Variants in LRP1B observed in about 807,000 individuals in gnomAD.
LRP1B encodes the protein LDL receptor related protein 1B.
In LRP1B, 217 loss-of-function variants were observed where a neutral mutation model predicts 556.6. The ratio of observed to expected loss-of-function variants is 0.39; its 90% CI spans 0.35 to 0.44. LRP1B has a LOEUF of 0.44. Among genes scored for constraint, LRP1B ranks in the 20% least tolerant of loss-of-function variants. The probability of loss-of-function intolerance (pLI) is 1.00; values close to 1 mark genes in which losing one functional copy is unlikely to be tolerated. For missense variants in LRP1B, 5,053 were observed against 5,620.8 expected, an observed-to-expected ratio of 0.90 and a Z score of 3.23; for synonymous variants, 2,047 against 1,865.8, an observed-to-expected ratio of 1.10 and a Z score of -2.50.
chr2:141,807,123 T>C lies in LRP1B; in HGVS notation c.205+3156A>G, dbSNP rs546811728. Among the ~76,000 whole-genome samples, 143 of 152,216 alleles carry C rather than the reference T, an allele frequency of 9.4e-4. 1 individual carries two copies. Among genetic ancestry groups the C allele is most frequent in the African/African-American group, 3.4e-3 (141 of 41,568 alleles). On this transcript the variant is annotated intron_variant, in intron 2 of 90. Transcript: ENST00000389484. ...GAATGTATACATTCATATAAAATTA[T>C]GCAATTATTTTATGTAGATTAGTGA...
intron 33 of LRP1B, among the ~76,000 whole-genome samples, chr2:140,772,416 TCTC>T (rs1168838791): frequency 6.6e-6 from 1 of 152,108 alleles, no homozygotes; most frequent in Non-Finnish European, 1.5e-5. Context: ...TTCAAGCAAT[TCTC>T]CTGCCTCAGC....
rs535387751 is a variant in LRP1B at position 141,865,912 on chromosome 2, T to C, written c.83-55511A>G. 2.0e-5 allele frequency among the ~76,000 whole-genome samples: 3 copies of C among 152,304 alleles called. No individual in the cohort carries two copies. In the South Asian group the frequency reaches 6.2e-4, roughly 32 times the overall value. On this transcript the variant is annotated intron_variant, in intron 1 of 90. Coordinates refer to ENST00000389484, the MANE Select transcript of LRP1B (RefSeq NM_018557.3). Reference sequence around the variant, plus strand: ...CTCTAGGTTGTCTCCCAACAAAACATGTTGTGTTCTTAAACGGACTTAACC... The same window carrying C: ...CTCTAGGTTGTCTCCCAACAAAACACGTTGTGTTCTTAAACGGACTTAACC...
chr2:140,783,630 G>T (rs1487449832), intron 32 of LRP1B, among the ~76,000 whole-genome samples: 1 of 152,192 alleles, frequency 6.6e-6, no homozygotes, highest in Admixed American at 6.5e-5. Flanking sequence ...GAGGAGGTCA[G>T]ATGCAAGTTA....
chr2:140,553,951 G>C (rs779509718), intron 43 of LRP1B, among the ~76,000 whole-genome samples: 5 of 152,110 alleles, frequency 3.3e-5, no homozygotes, highest in East Asian at 3.9e-4. Flanking sequence ...ACCAGAAGCC[G>C]ACGGGAAAGA....
rs368328772 is a variant in LRP1B, at chr2:141,015,920, G to T, written c.1971-5C>A. The T allele has an allele frequency of 4.3e-5, 69 of 1,609,298 alleles. No individual in the cohort carries two copies. Among genetic ancestry groups the T allele is most frequent in the Non-Finnish European group, 5.5e-5 (65 of 1,176,472 alleles). Reference sequence around the variant, plus strand: ...CAGTCTGTCCAATACATCCAACTAAGACATTAAAAAAACAACAAAAATGCA... The same window carrying T: ...CAGTCTGTCCAATACATCCAACTAATACATTAAAAAAACAACAAAAATGCA... On this transcript the variant is annotated splice_region_variant and splice_polypyrimidine_tract_variant and intron_variant, in intron 12 of 90. Coordinates refer to ENST00000389484, the MANE Select transcript of LRP1B (RefSeq NM_018557.3).
chr2:140,972,086 C>G (rs1172429024), intron 18 of LRP1B, among the ~76,000 whole-genome samples: 1 of 152,152 alleles, frequency 6.6e-6, no homozygotes. Flanking sequence ...AGGCTTTAAC[C>G]TCCCACTTTT....
At chr2:141,580,036 G>A (rs1326617110) in intron 2 of LRP1B, among the ~76,000 whole-genome samples, 1 of 151,884 alleles carries the variant, frequency 6.6e-6, no homozygotes, top group Non-Finnish European at 1.5e-5. Context: ...TTTTGATTTC[G>A]GGAATAAGAA....
intron 1 of LRP1B, among the ~76,000 whole-genome samples, chr2:142,104,471 C>T (rs1184467235): frequency 6.6e-6 from 1 of 152,100 alleles, no homozygotes; most frequent in East Asian, 1.9e-4. Flanking sequence ...AAAGATTGGC[C>T]TGAAACCAAT....
intron 84 of LRP1B, among the ~76,000 whole-genome samples, chr2:140,281,696 C>T (rs910050282): frequency 7.2e-5 from 11 of 151,806 alleles, no homozygotes; most frequent in African/African-American, 2.2e-4. Context: ...CACAAACCAA[C>T]AACAAATTAA....
intron 22 of LRP1B, among the ~76,000 whole-genome samples, chr2:140,907,251 A>G (rs966535925): frequency 6.6e-6 from 1 of 152,106 alleles, no homozygotes; most frequent in African/African-American, 2.4e-5. Context: ...CTCCCGGAAG[A>G]GAAGGAAATG....
In LRP1B at chr2:140,701,268, T is replaced by G. The variant is rs527966757; in HGVS notation, c.6427+453A>C. On this transcript the variant is annotated intron_variant, in intron 40 of 90. Coordinates refer to ENST00000389484, the MANE Select transcript of LRP1B (RefSeq NM_018557.3). ...AAATCATTGTCCTGTAAGTTTAGAA[T>G]AAATATTTTAAGGAAGTAATGACTT... Among the ~76,000 whole-genome samples, 165 of 152,216 alleles carry G rather than the reference T, an allele frequency of 1.1e-3. 1 individual carries two copies. The Middle Eastern group carries it at 0.031, about 28-fold the overall frequency.
intron 2 of LRP1B, among the ~76,000 whole-genome samples, chr2:141,492,568 G>A (rs1221464493): frequency 6.6e-6 from 1 of 152,092 alleles, no homozygotes; most frequent in Non-Finnish European, 1.5e-5. Flanking sequence ...AGTGGATGAG[G>A]ACAAAATAGA....
intron 3 of LRP1B, among the ~76,000 whole-genome samples, chr2:141,381,541 G>A (rs1420453159): frequency 6.6e-6 from 1 of 151,736 alleles, no homozygotes; most frequent in East Asian, 1.9e-4. Context: ...TCAGATCCAG[G>A]AATCCTAAAG....
At chr2:141,291,512 C>T (rs181199389) in intron 3 of LRP1B, among the ~76,000 whole-genome samples, 5 of 152,048 alleles carry the variant, frequency 3.3e-5, no homozygotes, top group African/African-American at 2.4e-5. Flanking sequence ...CTCAATTTTA[C>T]GGCAAAATCT....
At chr2:140,435,086 A>C (rs1686115044) in intron 66 of LRP1B, among the ~76,000 whole-genome samples, 1 of 152,196 alleles carries the variant, frequency 6.6e-6, no homozygotes, top group Admixed American at 6.5e-5. Flanking sequence ...AAAATTACAA[A>C]TGCTAGAATA....
intron 79 of LRP1B, among the ~76,000 whole-genome samples, chr2:140,326,267 CATT>C (rs1486367811): frequency 6.6e-6 from 1 of 151,630 alleles, no homozygotes; most frequent in African/African-American, 2.4e-5. Context: ...TTTATCGGAC[CATT>C]ATTTAAAATG....
chr2:141,922,936 C>CA (rs1243243884), intron 1 of LRP1B, among the ~76,000 whole-genome samples: 3 of 126,394 alleles, frequency 2.4e-5, no homozygotes, highest in African/African-American at 5.1e-5. Context: ...CTTGTTTCTA[C>CA]AAAAAATAAA....
chr2:141,160,158 C>T (rs1574138984), intron 7 of LRP1B, among the ~76,000 whole-genome samples: 1 of 152,012 alleles, frequency 6.6e-6, no homozygotes, highest in Admixed American at 6.6e-5. Flanking sequence ...AATATAAGCA[C>T]ATGAGGTTTA....
intron 2 of LRP1B, among the ~76,000 whole-genome samples, chr2:141,598,444 T>C (rs2105304857): frequency 6.6e-6 from 1 of 152,174 alleles, no homozygotes; most frequent in East Asian, 1.9e-4. Flanking sequence ...GAAAAGCTTA[T>C]ATAGTTTAAA....
Sources: allele counts gnomAD v4.1 joint callset (sites outside exome capture counted in the v4.1 genomes callset), GRCh38; gene constraint gnomAD v4.1.1; transcripts MANE v1.5; gene names NCBI Gene and HGNC (gene_info 2026-07-23, HGNC 2026-07-21).